Variants in RAB6B observed in about 807,000 individuals in gnomAD.
The protein encoded by RAB6B is RAB6B, member RAS oncogene family, also known as ras-related protein Rab-6B.
Under a neutral mutation model 31.2 loss-of-function variants are expected in RAB6B, and 7 were observed. The observed-to-expected ratio is 0.22, with a 90% CI of 0.13 to 0.42. The LOEUF (loss-of-function observed/expected upper bound fraction) is 0.42, where lower values mean the gene tolerates loss of function less well. Ranked by LOEUF, RAB6B falls within the 10% of genes least tolerant of loss-of-function variation. The probability of loss-of-function intolerance (pLI) is 1.00; values close to 1 mark genes in which losing one functional copy is unlikely to be tolerated. For missense variants in RAB6B, 149 were observed against 280.6 expected, an observed-to-expected ratio of 0.53 and a Z score of 3.35; for synonymous variants, 105 against 104.9, an observed-to-expected ratio of 1.00 and a Z score of -0.01.
At chr3:133,884,423 T>C (rs1249979497) in intron 1 of RAB6B, among the ~76,000 whole-genome samples, 1 of 152,242 alleles carries the variant, frequency 6.6e-6, no homozygotes, top group Admixed American at 6.5e-5. Flanking sequence ...TAGCTTTTTG[T>C]GCAGCCAGCT....
chr3:133,826,060 C>T lies in RAB6B; in HGVS notation c.*2728G>A, dbSNP rs572282940. On this transcript the variant is annotated 3_prime_UTR_variant, in exon 8 of 8. Coordinates refer to ENST00000285208, the MANE Select transcript of RAB6B (RefSeq NM_016577.4). Reference sequence around the variant, plus strand: ...CCTGCTCAAGACAAAAATCAGGGAACCAACAACTTCTGAAAAAGAGGTCTG... The same window carrying T: ...CCTGCTCAAGACAAAAATCAGGGAATCAACAACTTCTGAAAAAGAGGTCTG... 6.6e-6 allele frequency: 1 copy of T among 152,364 alleles called. No individual in the cohort carries two copies. Among genetic ancestry groups the T allele is most frequent in the East Asian group, 1.9e-4 (1 of 5,186 alleles). 9.4% of individuals were successfully genotyped at this position (152,364 alleles called of 1,614,324 possible).
chr3:133,860,741 C>T (rs1936148904), intron 2 of RAB6B, among the ~76,000 whole-genome samples: 1 of 152,208 alleles, frequency 6.6e-6, no homozygotes. Context: ...AATGCTCCTC[C>T]ACTCTGAGAG....
chr3:133,829,181 C>T, intron 7 of RAB6B, among the ~76,000 whole-genome samples: 1 of 152,196 alleles, frequency 6.6e-6, no homozygotes, highest in Non-Finnish European at 1.5e-5. Context: ...CAGCCCTGGC[C>T]TCAGCCCAGT....
intron 7 of RAB6B, among the ~76,000 whole-genome samples, chr3:133,830,721 C>A (rs1576391079): frequency 6.6e-6 from 1 of 152,198 alleles, no homozygotes; most frequent in Non-Finnish European, 1.5e-5. Flanking sequence ...CAGGTACAAA[C>A]CCAAGGCTAT....
intron 6 of RAB6B, 23 bp from the exon 7 acceptor site, chr3:133,834,664 T>G: frequency 6.2e-7 from 1 of 1,611,102 alleles, no homozygotes; most frequent in Non-Finnish European, 8.5e-7. Context: ...AGAAATGCAG[T>G]GTGAACCCCA....
intron 1 of RAB6B, among the ~76,000 whole-genome samples, chr3:133,868,381 A>C (rs1936269005): frequency 6.6e-6 from 1 of 152,200 alleles, no homozygotes; most frequent in Non-Finnish European, 1.5e-5. Context: ...GGGGCATCCC[A>C]GCAGGCCTGC....
chr3:133,827,959 C>A lies in RAB6B; in HGVS notation c.*829G>T, dbSNP rs1399042151. 2 of 702,874 alleles carry A rather than the reference C, an allele frequency of 2.8e-6. No individual in the cohort carries two copies. Among genetic ancestry groups the A allele is most frequent in the Non-Finnish European group, 5.2e-6 (2 of 385,014 alleles). 43.5% of individuals were successfully genotyped at this position (702,874 alleles called of 1,614,324 possible). ...GGCACCCCAGTCTATAAACCACGCACCACGCAGCTGCAATTGCCAACAGCA... is the reference window on the plus strand; with the variant it reads ...GGCACCCCAGTCTATAAACCACGCAACACGCAGCTGCAATTGCCAACAGCA... On this transcript the variant is annotated 3_prime_UTR_variant, in exon 8 of 8. Coordinates refer to ENST00000285208, the MANE Select transcript of RAB6B (RefSeq NM_016577.4).
intron 1 of RAB6B, among the ~76,000 whole-genome samples, chr3:133,867,774 G>C (rs770108672): frequency 6.6e-6 from 1 of 152,158 alleles, no homozygotes; most frequent in Non-Finnish European, 1.5e-5. Flanking sequence ...CAGAAAGTGA[G>C]GGTTTTAACA....
intron 2 of RAB6B, 109 bp downstream of exon 2, chr3:133,864,475 T>C (rs1936207668): frequency 5.3e-6 from 6 of 1,125,630 alleles, no homozygotes; most frequent in African/African-American, 3.1e-5. Flanking sequence ...CATAGCAAAA[T>C]GACAGCCTGG....
At chr3:133,857,685 C>T (rs919256081) in intron 2 of RAB6B, among the ~76,000 whole-genome samples, 8 of 152,248 alleles carry the variant, frequency 5.3e-5, no homozygotes, top group African/African-American at 1.9e-4. Flanking sequence ...CTCTCACAGG[C>T]TGGCCTGATA....
intron 7 of RAB6B, among the ~76,000 whole-genome samples, chr3:133,830,406 G>T (rs1007258312): frequency 1.3e-5 from 2 of 152,182 alleles, no homozygotes; most frequent in Admixed American, 6.5e-5. Flanking sequence ...AGCACCTGTT[G>T]ACGCTAGCTT....
At chr3:133,886,453 C>T (rs761611306) in intron 1 of RAB6B, among the ~76,000 whole-genome samples, 5 of 152,184 alleles carry the variant, frequency 3.3e-5, no homozygotes, top group Admixed American at 2.6e-4. Flanking sequence ...CAGGAAGTAA[C>T]GGAGCTGTGA....
chr3:133,893,264 G>A (rs1190272299), intron 1 of RAB6B, among the ~76,000 whole-genome samples: 2 of 152,204 alleles, frequency 1.3e-5, no homozygotes, highest in African/African-American at 2.4e-5. Flanking sequence ...ACAATGACAC[G>A]CTAGTGAAAA....
intron 2 of RAB6B, among the ~76,000 whole-genome samples, chr3:133,854,373 A>G (rs529475121): frequency 6.6e-6 from 1 of 152,352 alleles, no homozygotes; most frequent in South Asian, 2.1e-4. Flanking sequence ...ACAGGGATGT[A>G]AACGCAGGAT....
At chr3:133,828,948 T>A in intron 7 of RAB6B, 96 bp from the exon 8 acceptor site, 1 of 1,169,914 alleles carries the variant, frequency 8.5e-7, no homozygotes, top group Non-Finnish European at 1.2e-6. Flanking sequence ...GCTCTGTTTC[T>A]CTGCAAACAC....
intron 7 of RAB6B, 117 bp from the exon 8 acceptor site, chr3:133,828,969 G>T: frequency 9.9e-7 from 1 of 1,012,280 alleles, no homozygotes; most frequent in Non-Finnish European, 1.4e-6. Flanking sequence ...CTAGGGACTT[G>T]GCTCTTGGTT....
intron 2 of RAB6B, among the ~76,000 whole-genome samples, chr3:133,857,030 T>C: frequency 6.6e-6 from 1 of 151,654 alleles, no homozygotes. Flanking sequence ...TTGAGCATCA[T>C]TTGGCAGAGC....
intron 7 of RAB6B, among the ~76,000 whole-genome samples, chr3:133,830,311 A>G (rs193026418): frequency 7.9e-5 from 12 of 152,226 alleles, no homozygotes; most frequent in Non-Finnish European, 1.5e-4. Flanking sequence ...TCTGGTGACA[A>G]TCATGTCACA....
chr3:133,863,904 C>T (rs1936197346), intron 2 of RAB6B, among the ~76,000 whole-genome samples: 1 of 152,158 alleles, frequency 6.6e-6, no homozygotes, highest in African/African-American at 2.4e-5. Flanking sequence ...CACAAACCTC[C>T]CTACTCACCA....
Sources: allele counts gnomAD v4.1 joint callset (sites outside exome capture counted in the v4.1 genomes callset), GRCh38; gene constraint gnomAD v4.1.1; transcripts MANE v1.5; gene names NCBI Gene and HGNC (gene_info 2026-07-23, HGNC 2026-07-21).